NOS1: variants seen among roughly 807,000 people sequenced by gnomAD.
NOS1 encodes the protein NOS type I.
NOS1 carries 51 observed loss-of-function variants against 164.5 expected under a neutral mutation model. That is an observed-to-expected ratio of 0.31 (90% CI 0.25 to 0.39). The LOEUF (loss-of-function observed/expected upper bound fraction) is 0.39. Among genes scored for constraint, NOS1 ranks in the 10% least tolerant of loss-of-function variants. NOS1 has a pLI of 1.00. For missense variants in NOS1, 1,362 were observed against 1,885.6 expected (o/e 0.72, Z 5.14); for synonymous variants, 719 against 745.8 (o/e 0.96, Z 0.59).
Position 117,319,094 on chromosome 12 carries a change from G to A in NOS1, c.726-7502C>T, listed in dbSNP as rs553542872. 3.9e-5 allele frequency among the ~76,000 whole-genome samples: 6 copies of A among 152,246 alleles called. No individual in the cohort carries two copies. The South Asian group carries it at 1.2e-3, about 32-fold the overall frequency. On this transcript the variant is annotated intron_variant, in intron 2 of 28. Transcript: ENST00000317775. ...TATTATTATTATTTTTAGAGACAAG[G>A]TCTCTAAAGTACAGTGGCATGATCA... is the stretch of plus-strand genomic sequence containing the variant.
chr12:117,274,837 A>C (rs991306989), intron 9 of NOS1, among the ~76,000 whole-genome samples: 1 of 150,360 alleles, frequency 6.7e-6, no homozygotes, highest in East Asian at 2.0e-4. Flanking sequence ...CCCTGTGTTT[A>C]TTGAAGCACT....
chr12:117,328,399 C>T (rs985805685), intron 2 of NOS1, among the ~76,000 whole-genome samples: 2 of 152,088 alleles, frequency 1.3e-5, no homozygotes, highest in African/African-American at 4.8e-5. Context: ...GAACTCCTGA[C>T]CTCAGGTGAT....
chr12:117,228,931 G>A (rs536035503), intron 22 of NOS1, among the ~76,000 whole-genome samples: 29 of 151,922 alleles, frequency 1.9e-4, no homozygotes, highest in Non-Finnish European at 3.7e-4. Flanking sequence ...ACCGGTGCCC[G>A]CCACCACGCC....
At chr12:117,224,121 T>C (rs967394075) in intron 25 of NOS1, among the ~76,000 whole-genome samples, 30 of 152,228 alleles carry the variant, frequency 2.0e-4, no homozygotes, top group African/African-American at 7.0e-4. Context: ...GGGCAAGTTT[T>C]TACTGACTGA....
intron 3 of NOS1, among the ~76,000 whole-genome samples, chr12:117,309,930 G>A (rs966929615): frequency 2.0e-5 from 3 of 152,136 alleles, no homozygotes; most frequent in African/African-American, 4.8e-5. Flanking sequence ...ACAGGGTCTC[G>A]CTCTGTTGCC....
At chr12:117,221,208 A>G (rs1428316020) in intron 26 of NOS1, among the ~76,000 whole-genome samples, 1 of 151,718 alleles carries the variant, frequency 6.6e-6, no homozygotes, top group East Asian at 1.9e-4. Flanking sequence ...GCTGGAGTGC[A>G]GTGGCATGAT....
At chr12:117,262,659 T>C (rs1872035731) in intron 13 of NOS1, among the ~76,000 whole-genome samples, 1 of 152,146 alleles carries the variant, frequency 6.6e-6, no homozygotes, top group Non-Finnish European at 1.5e-5. Flanking sequence ...CTAGTTATCA[T>C]ACATAGAGAA....
At chr12:117,357,327 G>T (rs1006942579) in intron 1 of NOS1, among the ~76,000 whole-genome samples, 3 of 152,204 alleles carry the variant, frequency 2.0e-5, no homozygotes, top group Non-Finnish European at 4.4e-5. Flanking sequence ...GGAACTCAGG[G>T]CTGACACCCA....
At position 117,213,845 on chromosome 12, in the gene NOS1, T is replaced by C. The variant is rs1482423893; in HGVS notation, c.*1464A>G. The C allele has an allele frequency of 6.1e-6, 6 of 985,036 alleles. No homozygotes were observed. The highest frequency in any genetic ancestry group is 7.2e-6 in the Non-Finnish European group (6 of 829,894). 61.0% of individuals were successfully genotyped at this position (985,036 alleles called of 1,614,324 possible). A position where few individuals can be genotyped will look rare whatever the true frequency, so the allele number is the denominator to read the frequency against. ...CACTAATTTGTAGTATTTAAAAAAG[T>C]ATACAAAGGGATCCCTTCCCACCAT... On this transcript the variant is annotated 3_prime_UTR_variant, in exon 29 of 29. Coordinates refer to ENST00000317775, the MANE Select transcript of NOS1 (RefSeq NM_000620.5).
chr12:117,314,179 C>G (rs190751720), intron 2 of NOS1, among the ~76,000 whole-genome samples: 77 of 152,332 alleles, frequency 5.1e-4, no homozygotes, highest in African/African-American at 1.5e-3. Context: ...TTGCATTCAT[C>G]AGAGGGAACA....
Position 117,331,034 on chromosome 12 carries a change from C to T in NOS1, c.36G>A (p.Gln12=), listed in dbSNP as rs569264110. The part of the protein sequence containing the change: ...EDHMFGVQQI[Q]PNVISVRLFK... ...AGAGACGAACAGAAATGACATTGGG[C>T]TGGATTTGCTGAACACCGAACATGT... The change falls in exon 2 of 29, where the codon CAG becomes CAA. Residue 12 remains glutamine, a synonymous_variant. Coordinates refer to ENST00000317775, the MANE Select transcript of NOS1 (RefSeq NM_000620.5). 6.2e-7 allele frequency: 1 copy of T among 1,613,724 alleles called. No homozygotes were observed. Among genetic ancestry groups the T allele is most frequent in the South Asian group, 1.1e-5 (1 of 91,024 alleles).
intron 1 of NOS1, among the ~76,000 whole-genome samples, chr12:117,341,024 C>T (rs1334552376): frequency 6.6e-6 from 1 of 151,930 alleles, no homozygotes; most frequent in Non-Finnish European, 1.5e-5. Context: ...TGTGCCCAGC[C>T]AATAGTTAAC....
In NOS1 at chr12:117,212,389, T is replaced by C. The variant is rs1956542922; in HGVS notation, c.*2920A>G. The C allele has an allele frequency of 5.1e-6, 5 of 984,972 alleles. No individual in the cohort carries two copies. The highest frequency in any genetic ancestry group is 6.0e-6 in the Non-Finnish European group (5 of 829,856). The allele number at this position is 984,972 out of a possible 1,614,324, so 61.0% of individuals were successfully genotyped here. On this transcript the variant is annotated 3_prime_UTR_variant, in exon 29 of 29. Coordinates refer to ENST00000317775, the MANE Select transcript of NOS1 (RefSeq NM_000620.5). ...ATTCCATATTGATGGGTCTGAAGTG[T>C]CCCCCCGCAAAAGAAAGACACCTGG...
intron 3 of NOS1, among the ~76,000 whole-genome samples, chr12:117,304,732 C>T (rs1874043753): frequency 6.6e-6 from 1 of 152,200 alleles, no homozygotes; most frequent in South Asian, 2.1e-4. Context: ...GTGACCCAGA[C>T]TGTTGGCAAG....
chr12:117,262,924 C>T (rs915053054), intron 13 of NOS1, among the ~76,000 whole-genome samples: 19 of 152,134 alleles, frequency 1.2e-4, no homozygotes, highest in African/African-American at 4.6e-4. Flanking sequence ...TTTGCTTAAA[C>T]TTTCTTAATC....
intron 2 of NOS1, among the ~76,000 whole-genome samples, chr12:117,322,281 T>C (rs1397882616): frequency 2.8e-5 from 3 of 108,676 alleles, no homozygotes; most frequent in East Asian, 3.8e-4. Flanking sequence ...CTTTCCTTTC[T>C]TCCTTCCCTC....
Position 117,210,621 on chromosome 12 carries a change from C to A in NOS1, c.*4688G>T, listed in dbSNP as rs1956512683. 6 of 985,470 alleles carry A rather than the reference C, an allele frequency of 6.1e-6. No individual in the cohort carries two copies. The highest frequency in any genetic ancestry group is 7.2e-6 in the Non-Finnish European group (6 of 829,972). 61.0% of individuals were successfully genotyped at this position (985,470 alleles called of 1,614,324 possible). A position where few individuals can be genotyped will look rare whatever the true frequency, so the allele number is the denominator to read the frequency against. On this transcript the variant is annotated 3_prime_UTR_variant, in exon 29 of 29. Transcript: ENST00000317775. ...TGAAGGGGCTCAGGCATCTGGATTG[C>A]CCATCCTATTAGGACCATTTGCCCT...
At chr12:117,353,903 C>T (rs1379710273) in intron 1 of NOS1, among the ~76,000 whole-genome samples, 3 of 152,078 alleles carry the variant, frequency 2.0e-5, no homozygotes, top group African/African-American at 7.3e-5. Flanking sequence ...AGTTCAAGAC[C>T]AGCCTGGGCA....
chr12:117,360,020 G>T (rs1462255441), intron 1 of NOS1, among the ~76,000 whole-genome samples: 4 of 146,570 alleles, frequency 2.7e-5, no homozygotes, highest in Non-Finnish European at 6.0e-5. Flanking sequence ...ACAGCCCCAC[G>T]AAAAAGGTAG....
Sources: gnomAD v4.1 joint callset for allele counts (sites outside exome capture counted in the v4.1 genomes callset) on GRCh38, gnomAD v4.1.1 for gene constraint, MANE v1.5 for transcripts, NCBI Gene and HGNC (gene_info 2026-07-23, HGNC 2026-07-21) for gene names.